SLC16A10: variants seen among roughly 807,000 people sequenced by gnomAD.
SLC16A10 encodes the protein monocarboxylate transporter 10.
A neutral mutation model predicts 40.0 loss-of-function variants in SLC16A10; 27 were observed. That is an observed-to-expected ratio of 0.67 (90% CI 0.50 to 0.93). The LOEUF is 0.93. Among genes scored for constraint, SLC16A10 ranks in the 40% least tolerant of loss-of-function variants. SLC16A10 has a pLI of 0.00. For missense variants in SLC16A10, 529 were observed against 658.2 expected, an observed-to-expected ratio of 0.80 and a Z score of 2.15; for synonymous variants, 213 against 249.8, an observed-to-expected ratio of 0.85 and a Z score of 1.39.
chr6:111,089,649 T>C (rs561588451), intron 1 of SLC16A10, among the ~76,000 whole-genome samples: 1 of 152,268 alleles, frequency 6.6e-6, no homozygotes, highest in African/African-American at 2.4e-5. Flanking sequence ...CATTGTAAAG[T>C]TTAGCAGGGG....
intron 1 of SLC16A10, among the ~76,000 whole-genome samples, chr6:111,144,564 ACTGT>A (rs1295103293): frequency 6.6e-6 from 1 of 152,242 alleles, no homozygotes; most frequent in Non-Finnish European, 1.5e-5. Flanking sequence ...AAAACAAATC[ACTGT>A]CTGATTCTAT....
intron 1 of SLC16A10, among the ~76,000 whole-genome samples, chr6:111,105,493 T>TA (rs1771268147): frequency 6.6e-6 from 1 of 152,222 alleles, no homozygotes; most frequent in Non-Finnish European, 1.5e-5. Context: ...TGCACATTCA[T>TA]AATGGACATT....
intron 1 of SLC16A10, among the ~76,000 whole-genome samples, chr6:111,114,320 G>A (rs913592060): frequency 2.6e-5 from 4 of 152,158 alleles, no homozygotes; most frequent in Non-Finnish European, 5.9e-5. Flanking sequence ...ACAAAGTTGT[G>A]AAATGTCTGA....
At chr6:111,090,010 G>A (rs998826496) in intron 1 of SLC16A10, among the ~76,000 whole-genome samples, 12 of 132,582 alleles carry the variant, frequency 9.1e-5, no homozygotes, top group Non-Finnish European at 1.5e-4. Context: ...ATTTTGCAGT[G>A]TCAAAGTCTC....
At chr6:111,176,820 G>A (rs1205139551) in intron 2 of SLC16A10, among the ~76,000 whole-genome samples, 1 of 152,098 alleles carries the variant, frequency 6.6e-6, no homozygotes, top group African/African-American at 2.4e-5. Context: ...ATGTTTCATT[G>A]AGACTAGGTT....
At chr6:111,176,911 C>T (rs976834376) in intron 2 of SLC16A10, among the ~76,000 whole-genome samples, 1 of 152,170 alleles carries the variant, frequency 6.6e-6, no homozygotes, top group Non-Finnish European at 1.5e-5. Context: ...GAGCACAGTT[C>T]TCACTCAGTG....
Position 111,204,173 on chromosome 6 carries a change from T to TGAG in SLC16A10, c.943-2416_943-2414dup, listed in dbSNP as rs1773218105. Among the ~76,000 whole-genome samples, 4 of 152,108 alleles carry TGAG rather than the reference T, an allele frequency of 2.6e-5. No individual in the cohort carries two copies. In the South Asian group the frequency reaches 8.3e-4, roughly 32 times the overall value. ...TGAAAGGAATGGAACTAAAATACCA[T>TGAG]GAGGAATGTGGGCCAAAGGAAACAA... On this transcript the variant is annotated intron_variant, in intron 3 of 5. Transcript: ENST00000368851.
chr6:111,186,935 C>T (rs1388546811), intron 3 of SLC16A10, among the ~76,000 whole-genome samples: 1 of 152,136 alleles, frequency 6.6e-6, no homozygotes, highest in Non-Finnish European at 1.5e-5. Flanking sequence ...TAATTGCAAA[C>T]ATGGAATCCC....
At chr6:111,141,916 C>T (rs948600909) in intron 1 of SLC16A10, among the ~76,000 whole-genome samples, 13 of 152,156 alleles carry the variant, frequency 8.5e-5, no homozygotes, top group Admixed American at 1.3e-4. Flanking sequence ...TCAAAATCCC[C>T]GCTAGTTATT....
rs372963281 is a variant in SLC16A10 at position 111,182,310 on chromosome 6, C to CTTT, written c.942+4665_942+4667dup. 1.9e-3 allele frequency among the ~76,000 whole-genome samples: 194 copies of CTTT among 103,594 alleles called. 5 individuals carry two copies. The highest frequency in any genetic ancestry group is 5.4e-3 in the African/African-American group (148 of 27,218). The allele number at this position is 103,594 out of a possible 152,430, so 68.0% of individuals were successfully genotyped here. ...GCCACCACGCCTGGCCTCTGGGTTTCTTTTTTTTTTTTTTTTTTTTTTCCT... is the reference window on the plus strand; with the variant it reads ...GCCACCACGCCTGGCCTCTGGGTTTCTTTTTTTTTTTTTTTTTTTTTTTTTCCT... On this transcript the variant is annotated intron_variant, in intron 3 of 5. Transcript: ENST00000368851.
chr6:111,121,097 T>A (rs1054027315), intron 1 of SLC16A10, among the ~76,000 whole-genome samples: 1 of 152,234 alleles, frequency 6.6e-6, no homozygotes, highest in Non-Finnish European at 1.5e-5. Context: ...AATTTTGGAA[T>A]ATACAATACA....
At chr6:111,178,985 G>A (rs1324298003) in intron 3 of SLC16A10, among the ~76,000 whole-genome samples, 1 of 152,072 alleles carries the variant, frequency 6.6e-6, no homozygotes, top group African/African-American at 2.4e-5. Context: ...CATTTATTGT[G>A]TCCTTTCTTA....
At chr6:111,112,613 T>C (rs1241256370) in intron 1 of SLC16A10, among the ~76,000 whole-genome samples, 1 of 152,234 alleles carries the variant, frequency 6.6e-6, no homozygotes, top group African/African-American at 2.4e-5. Flanking sequence ...TAATAAGTTC[T>C]TTCTGAATGC....
At chr6:111,218,191 A>C (rs1422674381) in intron 4 of SLC16A10, among the ~76,000 whole-genome samples, 5 of 152,222 alleles carry the variant, frequency 3.3e-5, no homozygotes, top group Non-Finnish European at 7.3e-5. Flanking sequence ...AGGATCCTTA[A>C]ACTTCATAAT....
At chr6:111,138,874 G>A (rs1444914728) in intron 1 of SLC16A10, among the ~76,000 whole-genome samples, 1 of 152,144 alleles carries the variant, frequency 6.6e-6, no homozygotes, top group Non-Finnish European at 1.5e-5. Flanking sequence ...GGACTTGGTT[G>A]CCTCAGGGAG....
intron 4 of SLC16A10, among the ~76,000 whole-genome samples, chr6:111,216,789 C>A (rs528316215): frequency 6.6e-6 from 1 of 152,152 alleles, no homozygotes; most frequent in African/African-American, 2.4e-5. Flanking sequence ...AAAAATGTAC[C>A]GAACTGTATG....
intron 1 of SLC16A10, among the ~76,000 whole-genome samples, chr6:111,136,452 A>G (rs1243558963): frequency 6.6e-6 from 1 of 152,178 alleles, no homozygotes; most frequent in African/African-American, 2.4e-5. Flanking sequence ...TGAACCTCTC[A>G]TGATGTGAAC....
chr6:111,129,833 A>G (rs1268073948), intron 1 of SLC16A10, among the ~76,000 whole-genome samples: 1 of 152,252 alleles, frequency 6.6e-6, no homozygotes, highest in Non-Finnish European at 1.5e-5. Flanking sequence ...AAGGCCTGAG[A>G]CAACTGATAG....
chr6:111,163,146 A>ATTTTT (rs34027805), intron 1 of SLC16A10, among the ~76,000 whole-genome samples: 1 of 85,304 alleles, frequency 1.2e-5, no homozygotes, highest in Non-Finnish European at 2.2e-5. Context: ...CAACATAATA[A>ATTTTT]TTTTTTTTTT....
Sources: gnomAD v4.1 joint callset for allele counts (sites outside exome capture counted in the v4.1 genomes callset) on GRCh38, gnomAD v4.1.1 for gene constraint, MANE v1.5 for transcripts, NCBI Gene and HGNC (gene_info 2026-07-23, HGNC 2026-07-21) for gene names.